The following ARL15 variants were observed in gnomAD, a reference collection of about 807,000 sequenced individuals.
ARL15 encodes ADP-ribosylation factor-like protein 15.
Under a neutral mutation model 25.2 loss-of-function variants are expected in ARL15, and 19 were observed. That is an observed-to-expected ratio of 0.75 (90% CI 0.53 to 1.10). The LOEUF is 1.10. Among genes scored for constraint, ARL15 ranks in the 50% least tolerant of loss-of-function variants. The pLI is 0.00. For synonymous variants in ARL15, 94 were observed against 86.8 expected (o/e 1.08, Z -0.46); for missense variants, 220 against 246.0 (o/e 0.89, Z 0.71).
intron 1 of ARL15, among the ~76,000 whole-genome samples, chr5:54,240,087 T>C (rs556608003): frequency 9.4e-4 from 143 of 151,706 alleles, no homozygotes; most frequent in Admixed American, 1.8e-3. Flanking sequence ...ATTAGCCGGG[T>C]GTGGTGGCGG....
chr5:53,938,879 G>A (rs1038683326), intron 4 of ARL15, among the ~76,000 whole-genome samples: 1 of 152,142 alleles, frequency 6.6e-6, no homozygotes, highest in African/African-American at 2.4e-5. Context: ...AATTCTTATC[G>A]GTGTTTACAG....
intron 2 of ARL15, among the ~76,000 whole-genome samples, chr5:54,157,579 T>A (rs926068084): frequency 6.6e-6 from 1 of 151,864 alleles, no homozygotes; most frequent in Non-Finnish European, 1.5e-5. Flanking sequence ...GCCCAGCTAA[T>A]GTTTTGTATT....
intron 4 of ARL15, among the ~76,000 whole-genome samples, chr5:53,929,511 C>A (rs697091): frequency 0.9 from 137,639 of 152,300 alleles, 62,524 homozygotes; most frequent in African/African-American, 0.94. Context: ...AATAATTATA[C>A]ATATTTTTAC....
intron 4 of ARL15, among the ~76,000 whole-genome samples, chr5:54,005,338 A>G (rs1748991881): frequency 6.6e-6 from 1 of 152,152 alleles, no homozygotes; most frequent in South Asian, 2.1e-4. Context: ...AGAGAGCTCA[A>G]TTGTTCACAG....
rs529163784 is a variant in ARL15, at chr5:54,108,388, C to T, written c.462+4814G>A. On this transcript the variant is annotated intron_variant, in intron 4 of 4. Transcript: ENST00000504924. ...GCTCACACCATAGGTATGTACACTGCTCCATGTGAAATCAAATCAGTATTC... is the reference window on the plus strand; with the variant it reads ...GCTCACACCATAGGTATGTACACTGTTCCATGTGAAATCAAATCAGTATTC... 2.5e-4 allele frequency among the ~76,000 whole-genome samples: 38 copies of T among 152,230 alleles called. 1 individual carries two copies. Among genetic ancestry groups the T allele is most frequent in the Middle Eastern group, 3.4e-3 (1 of 294 alleles).
intron 4 of ARL15, among the ~76,000 whole-genome samples, chr5:53,932,675 G>A (rs1189634750): frequency 1.3e-5 from 2 of 152,182 alleles, no homozygotes; most frequent in Non-Finnish European, 2.9e-5. Flanking sequence ...AATGTTTGTG[G>A]TCTTTATCAT....
chr5:54,219,910 T>G (rs1387319377), intron 1 of ARL15, among the ~76,000 whole-genome samples: 4 of 152,328 alleles, frequency 2.6e-5, no homozygotes, highest in Admixed American at 6.5e-5. Context: ...ATATTTAATA[T>G]TCATTTCTTG....
rs1398462901 is a variant in ARL15, at chr5:54,250,272, C to T, written c.48+60160G>A. 3.3e-5 allele frequency among the ~76,000 whole-genome samples: 5 copies of T among 152,222 alleles called. No homozygotes were observed. In the East Asian group the frequency reaches 9.7e-4, roughly 29 times the overall value. On this transcript the variant is annotated intron_variant, in intron 1 of 4. Coordinates refer to ENST00000504924, the MANE Select transcript of ARL15 (RefSeq NM_019087.3). ...TCAAATCAACCATAAGAAATCCACC[C>T]CCACAATCCAACCACCCCTACCAGG...
intron 1 of ARL15, among the ~76,000 whole-genome samples, chr5:54,298,508 G>T (rs1245261587): frequency 2.0e-5 from 3 of 152,078 alleles, no homozygotes; most frequent in Non-Finnish European, 4.4e-5. Context: ...CCAGCACTGC[G>T]CCATCTCTAG....
intron 1 of ARL15, among the ~76,000 whole-genome samples, chr5:54,292,151 C>T (rs1413501753): frequency 4.6e-5 from 7 of 152,128 alleles, no homozygotes; most frequent in African/African-American, 1.7e-4. Flanking sequence ...AGGGATACCA[C>T]TTTTTCCTAA....
intron 4 of ARL15, among the ~76,000 whole-genome samples, chr5:53,964,593 C>T (rs1235129570): frequency 6.6e-6 from 1 of 152,164 alleles, no homozygotes; most frequent in South Asian, 2.1e-4. Flanking sequence ...ATCTCCTGAC[C>T]TCGTGATCCG....
At position 54,117,370 on chromosome 5, in the gene ARL15, T is replaced by TACACACACACAC. The variant is rs71600803; in HGVS notation, c.254-3972_254-3961dup. 3.7e-3 allele frequency among the ~76,000 whole-genome samples: 535 copies of TACACACACACAC among 143,862 alleles called. 4 individuals carry two copies. Among genetic ancestry groups the TACACACACACAC allele is most frequent in the African/African-American group, 9.4e-3 (363 of 38,618 alleles). 94.4% of individuals were successfully genotyped at this position (143,862 alleles called of 152,430 possible). On this transcript the variant is annotated intron_variant, in intron 3 of 4. Coordinates refer to ENST00000504924, the MANE Select transcript of ARL15 (RefSeq NM_019087.3). ...TGGTACCTGCAAATAGTGAGACACA[T>TACACACACACAC]ACACACACACACACACACACACACA...
chr5:54,270,292 G>A (rs1414420408), intron 1 of ARL15, among the ~76,000 whole-genome samples: 4 of 148,762 alleles, frequency 2.7e-5, no homozygotes, highest in Admixed American at 1.3e-4. Context: ...TTTGGCTTGT[G>A]CCCTGGAGGT....
chr5:54,070,322 G>A (rs1023419419), intron 4 of ARL15, among the ~76,000 whole-genome samples: 1 of 151,746 alleles, frequency 6.6e-6, no homozygotes, highest in Non-Finnish European at 1.5e-5. Flanking sequence ...AACCTGGAAG[G>A]TGGAGCTTGC....
intron 1 of ARL15, among the ~76,000 whole-genome samples, chr5:54,187,101 G>A (rs1258284924): frequency 2.0e-5 from 3 of 152,126 alleles, no homozygotes; most frequent in African/African-American, 4.8e-5. Context: ...CAAGAACTAA[G>A]GCAGCCCAAG....
At chr5:54,202,653 G>T (rs952154259) in intron 1 of ARL15, among the ~76,000 whole-genome samples, 1 of 152,056 alleles carries the variant, frequency 6.6e-6, no homozygotes. Flanking sequence ...TTAGTTTGTG[G>T]TAATATACTA....
At chr5:53,996,550 C>A (rs1371698849) in intron 4 of ARL15, among the ~76,000 whole-genome samples, 1 of 140,724 alleles carries the variant, frequency 7.1e-6, no homozygotes, top group Admixed American at 7.5e-5. Flanking sequence ...ACCCGGGAGG[C>A]GGAGGTTGCA....
intron 4 of ARL15, among the ~76,000 whole-genome samples, chr5:53,957,960 A>T (rs1443798285): frequency 2.6e-5 from 4 of 152,220 alleles, no homozygotes; most frequent in Admixed American, 6.5e-5. Context: ...CTGTAATCCC[A>T]GCACTTTGGG....
intron 4 of ARL15, among the ~76,000 whole-genome samples, chr5:53,953,884 T>C (rs1172776223): frequency 6.6e-6 from 1 of 152,152 alleles, no homozygotes. Flanking sequence ...TTATCTATGA[T>C]CACTTAAAAA....
Sources: allele counts gnomAD v4.1 joint callset (sites outside exome capture counted in the v4.1 genomes callset), GRCh38; gene constraint gnomAD v4.1.1; transcripts MANE v1.5; gene names NCBI Gene and HGNC (gene_info 2026-07-23, HGNC 2026-07-21).